The following SLC8A1 variants were observed in gnomAD, a reference collection of about 807,000 sequenced individuals.
The protein encoded by SLC8A1 is sodium/calcium exchanger 1.
SLC8A1 carries 18 observed loss-of-function variants against 68.3 expected under a neutral mutation model. The ratio of observed to expected loss-of-function variants is 0.26; its 90% CI spans 0.18 to 0.39. The LOEUF is 0.39. SLC8A1 is among the 10% of genes least tolerant of loss of function. SLC8A1 has a pLI of 1.00. For synonymous variants in SLC8A1, 475 were observed against 415.5 expected (o/e 1.14, Z -1.74); for missense variants, 985 against 1,156.7 (o/e 0.85, Z 2.15).
chr2:40,243,159 T>C (rs1047003591), intron 2 of SLC8A1, among the ~76,000 whole-genome samples: 10 of 152,262 alleles, frequency 6.6e-5, no homozygotes, highest in African/African-American at 1.7e-4. Flanking sequence ...CCCCTAAATC[T>C]TTAACTGAGT....
chr2:40,306,521 C>A (rs937631567), intron 2 of SLC8A1, among the ~76,000 whole-genome samples: 2 of 152,124 alleles, frequency 1.3e-5, no homozygotes, highest in South Asian at 4.2e-4. Context: ...TGTTATTATC[C>A]CTTAACATTT....
At chr2:40,416,569 A>G (rs956587063) in intron 2 of SLC8A1, among the ~76,000 whole-genome samples, 4 of 152,144 alleles carry the variant, frequency 2.6e-5, no homozygotes, top group Non-Finnish European at 5.9e-5. Flanking sequence ...CATTTTTGAG[A>G]TGGAAGAAAA....
exon 8 of SLC8A1, chr2:40,115,061 T>G: frequency 8.9e-6 from 3 of 336,432 alleles, no homozygotes; most frequent in African/African-American, 2.1e-5. Flanking sequence ...CATGCCTTGT[T>G]GAACATGATG....
chr2:40,197,339 G>A (rs1344890950), intron 2 of SLC8A1, among the ~76,000 whole-genome samples: 2 of 151,966 alleles, frequency 1.3e-5, no homozygotes, highest in African/African-American at 4.8e-5. Flanking sequence ...TCGGGATGGA[G>A]CTATAATTTT....
intron 6 of SLC8A1, among the ~76,000 whole-genome samples, chr2:40,145,456 T>C (rs549341430): frequency 1.3e-5 from 2 of 152,262 alleles, no homozygotes; most frequent in Admixed American, 6.5e-5. Context: ...GTCTGGAAAA[T>C]GTATGCTGCT....
chr2:40,257,456 C>T (rs2149078782), intron 2 of SLC8A1, among the ~76,000 whole-genome samples: 1 of 151,446 alleles, frequency 6.6e-6, no homozygotes, highest in Non-Finnish European at 1.5e-5. Context: ...TTTTTTTGAC[C>T]CTCTAGGCAG....
chr2:40,378,725 G>A (rs1271649016), intron 2 of SLC8A1, among the ~76,000 whole-genome samples: 1 of 152,208 alleles, frequency 6.6e-6, no homozygotes, highest in South Asian at 2.1e-4. Flanking sequence ...TCAGAAGCCA[G>A]AAAGAATTCA....
chr2:40,278,632 A>G (rs1439261459), intron 2 of SLC8A1, among the ~76,000 whole-genome samples: 1 of 152,176 alleles, frequency 6.6e-6, no homozygotes, highest in Non-Finnish European at 1.5e-5. Flanking sequence ...AGTGTGAGAG[A>G]GTAAGTGCTG....
chr2:40,485,911 A>G (rs1367364119), intron 1 of SLC8A1, among the ~76,000 whole-genome samples: 1 of 152,204 alleles, frequency 6.6e-6, no homozygotes, highest in Non-Finnish European at 1.5e-5. Flanking sequence ...AAATTGATAC[A>G]TAAATTGCCC....
At chr2:40,353,062 G>C (rs948264964) in intron 2 of SLC8A1, among the ~76,000 whole-genome samples, 1 of 152,132 alleles carries the variant, frequency 6.6e-6, no homozygotes, top group Non-Finnish European at 1.5e-5. Flanking sequence ...CCTTGCTTTT[G>C]TGTTCAACTT....
chr2:40,425,759 C>A (rs1696690758), intron 2 of SLC8A1, among the ~76,000 whole-genome samples: 2 of 151,816 alleles, frequency 1.3e-5, no homozygotes, highest in African/African-American at 2.4e-5. Context: ...TCACTTGGAT[C>A]TGACTGTATG....
At chr2:40,323,639 C>A (rs1351917391) in intron 2 of SLC8A1, among the ~76,000 whole-genome samples, 1 of 151,968 alleles carries the variant, frequency 6.6e-6, no homozygotes, top group South Asian at 2.1e-4. Context: ...AAGCATATGA[C>A]CCAAACAGCT....
intron 2 of SLC8A1, among the ~76,000 whole-genome samples, chr2:40,367,793 C>A (rs1676746491): frequency 1.3e-5 from 2 of 151,988 alleles, no homozygotes; most frequent in Non-Finnish European, 2.9e-5. Context: ...AAAATGCAGC[C>A]TAGGATTACA....
intron 2 of SLC8A1, chr2:40,190,642 T>C (rs2051617157): frequency 6.6e-6 from 1 of 152,234 alleles, no homozygotes. Flanking sequence ...ATAAATTCAA[T>C]GGCTCATGCA....
At chr2:40,154,895 G>T (rs1343191204) in intron 6 of SLC8A1, among the ~76,000 whole-genome samples, 1 of 151,892 alleles carries the variant, frequency 6.6e-6, no homozygotes, top group Non-Finnish European at 1.5e-5. Flanking sequence ...GAACTCCTTG[G>T]CTCAAGTGAG....
At chr2:40,443,951 T>A (rs1559709051) in intron 1 of SLC8A1, among the ~76,000 whole-genome samples, 1 of 152,224 alleles carries the variant, frequency 6.6e-6, no homozygotes, top group Non-Finnish European at 1.5e-5. Flanking sequence ...TACCACATCA[T>A]CTTTTCTAAT....
exon 8 of SLC8A1, chr2:40,103,843 T>C (rs1342103198): frequency 2.6e-5 from 4 of 152,196 alleles, no homozygotes; most frequent in Non-Finnish European, 5.9e-5. Context: ...TTCATGTGGT[T>C]ACATGGGCTT....
intron 6 of SLC8A1, among the ~76,000 whole-genome samples, chr2:40,149,764 C>T (rs973040041): frequency 6.6e-6 from 1 of 152,100 alleles, no homozygotes; most frequent in African/African-American, 2.4e-5. Flanking sequence ...CAACTATTCA[C>T]CAATTGGGAG....
intron 7 of SLC8A1, chr2:40,123,165 A>AG (rs1390358130): frequency 1.3e-5 from 2 of 152,242 alleles, no homozygotes; most frequent in Non-Finnish European, 2.9e-5. Context: ...AGAGAATCCA[A>AG]GGGGTGCTGA....
Sources: allele counts gnomAD v4.1 joint callset (sites outside exome capture counted in the v4.1 genomes callset), GRCh38; gene constraint gnomAD v4.1.1; transcripts MANE v1.5; gene names NCBI Gene and HGNC (gene_info 2026-07-23, HGNC 2026-07-21).